Variants in GAD2 observed in about 807,000 individuals in gnomAD.
The protein encoded by GAD2 is 65 kDa glutamic acid decarboxylase.
Under a neutral mutation model 80.1 loss-of-function variants are expected in GAD2, and 22 were observed. That is an observed-to-expected ratio of 0.27 (90% confidence interval 0.20 to 0.39). The LOEUF is 0.39. Among genes scored for constraint, GAD2 ranks in the 10% least tolerant of loss-of-function variants. GAD2 has a pLI of 1.00. For missense variants in GAD2, 624 were observed against 738.4 expected (o/e 0.85, Z 1.80); for synonymous variants, 274 against 256.9 (o/e 1.07, Z -0.64).
intron 8 of GAD2, among the ~76,000 whole-genome samples, chr10:26,267,947 T>C (rs1160814057): frequency 2.0e-5 from 3 of 152,212 alleles, no homozygotes; most frequent in African/African-American, 7.2e-5. Flanking sequence ...GCTTGCTGTA[T>C]GTCTAGACTC....
Position 26,292,509 on chromosome 10 carries a change from G to C in GAD2, c.1431G>C (p.Leu477Phe). Reference protein sequence around the residue: ...FEAHVDKCLELAEYLYNIIKN... With the variant: ...FEAHVDKCLEFAEYLYNIIKN... ...CGCATGTTGATAAATGTTTGGAGTT[G>C]GCAGAGTATTTATACAACATCATAA... The change falls in exon 14 of 16, where the codon TTG becomes TTC. Residue 477 changes from leucine to phenylalanine, a missense_variant. Transcript: ENST00000376261. 6.2e-7 allele frequency: 1 copy of C among 1,614,060 alleles called. No homozygotes were observed. The highest frequency in any genetic ancestry group is 1.1e-5 in the South Asian group (1 of 91,072).
chr10:26,216,641 G>A, upstream of GAD2: 1 of 486,392 alleles, frequency 2.1e-6, no homozygotes, highest in South Asian at 3.0e-5. This position sits in a 1 kb window ranked among gnomAD's most constrained non-coding sequence, Gnocchi z 4.7. Context: ...GCACAGACAC[G>A]CACGTTTTCT....
intron 4 of GAD2, among the ~76,000 whole-genome samples, chr10:26,222,010 A>G (rs1844458813): frequency 6.6e-6 from 1 of 152,206 alleles, no homozygotes; most frequent in South Asian, 2.1e-4. Flanking sequence ...CACTAGGGGA[A>G]TATTTCTGCC....
chr10:26,277,920 A>G lies in GAD2; in HGVS notation c.1158-3089A>G, dbSNP rs76240722. On this transcript the variant is annotated intron_variant, in intron 11 of 15. Transcript: ENST00000376261. ...GCCCTGCGGGATTCAGTTCTCTCCA[A>G]CTTACACAAACTGCAGAAGCCGCAT... 7.8e-3 allele frequency among the ~76,000 whole-genome samples: 1,192 copies of G among 152,270 alleles called. 21 individuals carry two copies. The highest frequency in any genetic ancestry group is 0.027 in the African/African-American group (1,133 of 41,580).
chr10:26,234,933 C>T (rs182731024), intron 7 of GAD2, among the ~76,000 whole-genome samples: 19 of 152,174 alleles, frequency 1.2e-4, no homozygotes, highest in Admixed American at 9.2e-4. Context: ...AGTGCAGTGG[C>T]GCCATCTCAG....
intron 8 of GAD2, among the ~76,000 whole-genome samples, chr10:26,253,636 C>T (rs1015058825): frequency 3.7e-4 from 57 of 152,174 alleles, no homozygotes; most frequent in African/African-American, 1.2e-3. Context: ...CTCCTGTGAG[C>T]TCCATCTTTT....
intron 9 of GAD2, among the ~76,000 whole-genome samples, chr10:26,269,942 C>CT (rs1191232154): frequency 6.6e-6 from 1 of 152,128 alleles, no homozygotes; most frequent in African/African-American, 2.4e-5. Context: ...AAGATTAAAC[C>CT]TTTGCTGCCA....
chr10:26,249,111 G>A (rs750491527), intron 8 of GAD2, among the ~76,000 whole-genome samples: 41 of 152,200 alleles, frequency 2.7e-4, no homozygotes, highest in Non-Finnish European at 5.4e-4. Flanking sequence ...TGCCCAGGCT[G>A]GAGTGCAGTG....
intron 8 of GAD2, among the ~76,000 whole-genome samples, chr10:26,266,997 G>A (rs545487117): frequency 7.2e-5 from 11 of 152,180 alleles, no homozygotes; most frequent in Admixed American, 3.3e-4. Context: ...GAGAAGGTTC[G>A]ACTAGAATCA....
At chr10:26,273,358 G>A (rs1476840761) in intron 10 of GAD2, among the ~76,000 whole-genome samples, 1 of 152,210 alleles carries the variant, frequency 6.6e-6, no homozygotes, top group East Asian at 1.9e-4. Flanking sequence ...GAGGACTAAT[G>A]GTGCTGGTGA....
In GAD2 at chr10:26,270,764, T is replaced by G. The variant is rs1176464537; in HGVS notation, c.1092+8T>G. The G allele has an allele frequency of 6.4e-7, 1 of 1,559,652 alleles. No homozygotes were observed. The highest frequency in any genetic ancestry group is 8.8e-7 in the Non-Finnish European group (1 of 1,130,178). The stretch of plus-strand genomic sequence containing the variant: ...ATCTGGATGCATGTGGATGTAAGTA[T>G]CCCTTAGGGACTGGCCACTAAAACG... On this transcript the variant is annotated splice_region_variant and intron_variant, in intron 10 of 15. Coordinates refer to ENST00000376261, the MANE Select transcript of GAD2 (RefSeq NM_001134366.2).
At chr10:26,294,072 C>T (rs139574573) in intron 15 of GAD2, among the ~76,000 whole-genome samples, 320 of 152,284 alleles carry the variant, frequency 2.1e-3, no homozygotes, top group African/African-American at 7.2e-3. Context: ...CACATCGAAG[C>T]GGGGTATATG....
chr10:26,292,622 C>G, intron 14 of GAD2, 50 bp downstream of exon 14: 3 of 1,326,890 alleles, frequency 2.3e-6, no homozygotes, highest in South Asian at 2.4e-5. Context: ...AATTCCAACC[C>G]TCATCACTGA....
intron 7 of GAD2, among the ~76,000 whole-genome samples, chr10:26,238,005 GACACAC>G (rs58551669): frequency 0.022 from 2,553 of 118,208 alleles, 41 homozygotes; most frequent in African/African-American, 0.061. Context: ...CCATCACACA[GACACAC>G]ACACACACAC....
chr10:26,257,128 G>A (rs772559392), intron 8 of GAD2, among the ~76,000 whole-genome samples: 95 of 152,254 alleles, frequency 6.2e-4, no homozygotes, highest in Non-Finnish European at 1.1e-3. Context: ...CTGTAATGCA[G>A]CAGTTTAGGA....
At position 26,293,005 on chromosome 10, in the gene GAD2, G is replaced by A; in HGVS notation, c.1584+14G>A. On this transcript the variant is annotated intron_variant, in intron 15 of 15. Transcript: ENST00000376261. The stretch of plus-strand genomic sequence containing the variant: ...CGCCTCTCGAAGGTCAGTGCTCCAA[G>A]CTCCTCTGATACATGTGTGTATTGA... 1 of 1,592,918 alleles carries A rather than the reference G, an allele frequency of 6.3e-7. No homozygotes were observed. Among genetic ancestry groups the A allele is most frequent in the Non-Finnish European group, 8.6e-7 (1 of 1,161,990 alleles).
intron 8 of GAD2, among the ~76,000 whole-genome samples, chr10:26,262,917 G>A (rs529935967): frequency 5.9e-4 from 90 of 151,856 alleles, no homozygotes; most frequent in Non-Finnish European, 1.1e-3. Flanking sequence ...AGAAGGAGGA[G>A]TAATGTGAGG....
chr10:26,253,146 A>C (rs1564663383), intron 8 of GAD2, among the ~76,000 whole-genome samples: 1 of 152,208 alleles, frequency 6.6e-6, no homozygotes, highest in Non-Finnish European at 1.5e-5. Context: ...GAATAAGATA[A>C]GGTAATGTAA....
chr10:26,293,324 C>T (rs1834239946), intron 15 of GAD2, among the ~76,000 whole-genome samples: 1 of 151,824 alleles, frequency 6.6e-6, no homozygotes, highest in South Asian at 2.1e-4. Context: ...AATACAGGCA[C>T]TCACCACCAC....
Sources: allele counts gnomAD v4.1 joint callset (sites outside exome capture counted in the v4.1 genomes callset), GRCh38; gene constraint gnomAD v4.1.1; non-coding constraint Gnocchi (gnomAD v3.1); transcripts MANE v1.5; gene names NCBI Gene and HGNC (gene_info 2026-07-23, HGNC 2026-07-21).